The following TGFA variants were observed in gnomAD, a reference collection of about 807,000 sequenced individuals.
TGFA encodes the protein transforming growth factor alpha, also known as protransforming growth factor alpha.
Under a neutral mutation model 21.7 loss-of-function variants are expected in TGFA, and 12 were observed. The ratio of observed to expected loss-of-function variants is 0.55; its 90% CI spans 0.35 to 0.90. TGFA has a LOEUF of 0.90. Ranked by LOEUF, TGFA falls within the 40% of genes least tolerant of loss-of-function variation. The probability of loss-of-function intolerance (pLI) is 0.01; values close to 1 mark genes in which losing one functional copy is unlikely to be tolerated. For synonymous variants in TGFA, 79 were observed against 88.1 expected, an observed-to-expected ratio of 0.90 and a Z score of 0.58; for missense variants, 178 against 210.8, an observed-to-expected ratio of 0.84 and a Z score of 0.96.
In TGFA at chr2:70,548,867, A is replaced by G. The variant is rs183740716; in HGVS notation, c.40+4861T>C. Among the ~76,000 whole-genome samples the G allele has an allele frequency of 2.9e-3, 428 of 149,802 alleles. 2 individuals are homozygous for G. The highest frequency in any genetic ancestry group is 9.0e-3 in the African/African-American group (368 of 40,992). ...ATGTGCCTTGAAGAGCTCCTAAGAG[A>G]TGGTTTTGGTAGTGTAGATTTCTGG... is the stretch of plus-strand genomic sequence containing the variant. On this transcript the variant is annotated intron_variant, in intron 1 of 5. Coordinates refer to ENST00000295400, the MANE Select transcript of TGFA (RefSeq NM_003236.4).
chr2:70,529,047 T>C (rs1234553595), intron 1 of TGFA, among the ~76,000 whole-genome samples: 7 of 152,226 alleles, frequency 4.6e-5, no homozygotes, highest in African/African-American at 1.7e-4. Context: ...GGCTTTATCT[T>C]TGTTGCCAGC....
At chr2:70,507,225 A>C (rs1671954089) in intron 2 of TGFA, among the ~76,000 whole-genome samples, 1 of 152,246 alleles carries the variant, frequency 6.6e-6, no homozygotes, top group South Asian at 2.1e-4. Context: ...GCCTGCACTC[A>C]GTGCACACTG....
intron 1 of TGFA, among the ~76,000 whole-genome samples, chr2:70,539,183 T>A (rs988798610): frequency 6.6e-6 from 1 of 152,264 alleles, no homozygotes; most frequent in Non-Finnish European, 1.5e-5. Flanking sequence ...TAAACATAAC[T>A]TTTATATGCA....
chr2:70,522,138 A>G (rs967736274), intron 1 of TGFA, among the ~76,000 whole-genome samples: 2 of 152,148 alleles, frequency 1.3e-5, no homozygotes, highest in Non-Finnish European at 1.5e-5. Context: ...AATCATCTCT[A>G]TCCTTACACC....
At chr2:70,477,848 A>G (rs1345462254) in intron 2 of TGFA, among the ~76,000 whole-genome samples, 1 of 152,150 alleles carries the variant, frequency 6.6e-6, no homozygotes, top group Non-Finnish European at 1.5e-5. Context: ...GGAAATAAAC[A>G]ATATTCAGGG....
intron 1 of TGFA, among the ~76,000 whole-genome samples, chr2:70,548,121 T>TATATGC (rs1553506286): frequency 6.6e-6 from 1 of 152,200 alleles, no homozygotes; most frequent in Non-Finnish European, 1.5e-5. Context: ...TGCAAGACTT[T>TATATGC]ATATGCAACC....
intron 3 of TGFA, among the ~76,000 whole-genome samples, chr2:70,458,782 A>T (rs1553491002): frequency 6.6e-6 from 1 of 151,402 alleles, no homozygotes; most frequent in African/African-American, 2.5e-5. Context: ...CTCCTCCCTG[A>T]ACCCCCCAGG....
At chr2:70,545,013 G>T (rs781875046) in intron 1 of TGFA, among the ~76,000 whole-genome samples, 53 of 152,150 alleles carry the variant, frequency 3.5e-4, no homozygotes, top group Admixed American at 2.0e-4. Context: ...AGCTAAAAGA[G>T]TATAATTGGA....
At chr2:70,540,948 A>C (rs1673115857) in intron 1 of TGFA, among the ~76,000 whole-genome samples, 1 of 152,230 alleles carries the variant, frequency 6.6e-6, no homozygotes, top group Admixed American at 6.5e-5. Flanking sequence ...ATGAGATACC[A>C]TTTTGCCAAC....
At chr2:70,548,486 T>C (rs1281925690) in intron 1 of TGFA, among the ~76,000 whole-genome samples, 4 of 152,216 alleles carry the variant, frequency 2.6e-5, no homozygotes, top group Non-Finnish European at 4.4e-5. Context: ...GGGTTCCGTC[T>C]TGAGGAAACC....
At chr2:70,536,255 A>G (rs1310560409) in intron 1 of TGFA, among the ~76,000 whole-genome samples, 1 of 152,222 alleles carries the variant, frequency 6.6e-6, no homozygotes, top group Non-Finnish European at 1.5e-5. Context: ...TCCATGAGGC[A>G]AAAACTAATA....
At chr2:70,481,454 C>G (rs1164058186) in intron 2 of TGFA, among the ~76,000 whole-genome samples, 1 of 152,214 alleles carries the variant, frequency 6.6e-6, no homozygotes, top group Admixed American at 6.5e-5. Context: ...GGAAGCCACA[C>G]AGAATAAGTC....
In TGFA at chr2:70,514,913, C is replaced by G. The variant is rs1672223992; in HGVS notation, c.41-1G>C. On this transcript the variant is annotated splice_acceptor_variant, in intron 1 of 5. Coordinates refer to ENST00000295400, the MANE Select transcript of TGFA (RefSeq NM_003236.4). LOFTEE classifies it high-confidence loss of function. ...GCCTGGCACGCAGCCAACACAATACCTGTTGGGTGGAGGAGAAGAGGGAAA... is the reference window on the plus strand; with the variant it reads ...GCCTGGCACGCAGCCAACACAATACGTGTTGGGTGGAGGAGAAGAGGGAAA... The G allele has an allele frequency of 6.2e-7, 1 of 1,613,552 alleles. No individual in the cohort carries two copies. The highest frequency in any genetic ancestry group is 8.5e-7 in the Non-Finnish European group (1 of 1,179,802).
chr2:70,504,537 TGATAA>T (rs1671862124), intron 2 of TGFA, among the ~76,000 whole-genome samples: 1 of 145,436 alleles, frequency 6.9e-6, no homozygotes, highest in Admixed American at 6.9e-5. Context: ...CATAGTTTTG[TGATAA>T]GATAAAAATA....
intron 1 of TGFA, among the ~76,000 whole-genome samples, chr2:70,545,763 A>G (rs554014323): frequency 5.5e-4 from 83 of 152,158 alleles, no homozygotes; most frequent in Non-Finnish European, 1.1e-3. Flanking sequence ...CTGCTACATA[A>G]AAATAAAAAC....
At chr2:70,451,374 A>T (rs1670054258) in intron 5 of TGFA, among the ~76,000 whole-genome samples, 2 of 152,238 alleles carry the variant, frequency 1.3e-5, no homozygotes. Flanking sequence ...TAGCCTGGAC[A>T]TGTCTCTAGG....
At chr2:70,543,999 C>A (rs1673214783) in intron 1 of TGFA, among the ~76,000 whole-genome samples, 1 of 152,110 alleles carries the variant, frequency 6.6e-6, no homozygotes. Context: ...TTGAGTCAAT[C>A]AATGTCCTCA....
intron 2 of TGFA, chr2:70,468,512 A>T (rs1314628917): frequency 4.6e-5 from 7 of 152,296 alleles, no homozygotes; most frequent in Admixed American, 4.6e-4. Flanking sequence ...TTGTCAAGGA[A>T]CAAACACAGA....
In TGFA at chr2:70,521,903, G is replaced by A. The variant is rs150578121; in HGVS notation, c.41-6991C>T. 4.0e-3 allele frequency among the ~76,000 whole-genome samples: 605 copies of A among 152,168 alleles called. 4 individuals carry two copies. The highest frequency in any genetic ancestry group is 0.014 in the African/African-American group (577 of 41,530). On this transcript the variant is annotated intron_variant, in intron 1 of 5. Transcript: ENST00000295400. The stretch of plus-strand genomic sequence containing the variant: ...GCTGGGATTACAGGCGCAGGCCACC[G>A]TACCGAACCTATTGACAGTTTTCAT...
Sources: allele counts gnomAD v4.1 joint callset (sites outside exome capture counted in the v4.1 genomes callset), GRCh38; gene constraint gnomAD v4.1.1; transcripts MANE v1.5; gene names NCBI Gene and HGNC (gene_info 2026-07-23, HGNC 2026-07-21).